The following MOV10L1 variants were observed in gnomAD, a reference collection of about 807,000 sequenced individuals.
MOV10L1 encodes RNA helicase Mov10l1.
A neutral mutation model predicts 143.8 loss-of-function variants in MOV10L1; 110 were observed. That is an observed-to-expected ratio of 0.76 (90% CI 0.66 to 0.90). The LOEUF (loss-of-function observed/expected upper bound fraction) is 0.90, where lower values mean the gene tolerates loss of function less well. Ranked by LOEUF, MOV10L1 falls within the 40% of genes least tolerant of loss-of-function variation. MOV10L1 has a pLI of 0.00. For synonymous variants in MOV10L1, 593 were observed against 581.1 expected, an observed-to-expected ratio of 1.02 and a Z score of -0.29; for missense variants, 1,406 against 1,526.8, an observed-to-expected ratio of 0.92 and a Z score of 1.32.
chr22:50,146,800 C>T (rs965980689), intron 19 of MOV10L1, among the ~76,000 whole-genome samples: 6 of 152,176 alleles, frequency 3.9e-5, no homozygotes, highest in African/African-American at 9.6e-5. Context: ...ATGGTTTCAT[C>T]GGCGCGTTTA....
chr22:50,160,670 ATC>A lies in MOV10L1; in HGVS notation c.3325-14_3325-13del, dbSNP rs758702928. The A allele has an allele frequency of 3.1e-6, 5 of 1,599,810 alleles. No homozygotes were observed. The African/African-American group carries it at 4.0e-5, about 13-fold the overall frequency. On this transcript the variant is annotated splice_polypyrimidine_tract_variant and intron_variant, in intron 24 of 26. Coordinates refer to ENST00000262794, the MANE Select transcript of MOV10L1 (RefSeq NM_018995.3). ...AAAACTTCAAGTGCCATTTTTATTCATCTCTGTGTGCTTTTAGGTACGGTCAA... is the reference window on the plus strand; with the variant it reads ...AAAACTTCAAGTGCCATTTTTATTCATCTGTGTGCTTTTAGGTACGGTCAA...
At chr22:50,112,962 G>A (rs2062063942) in intron 5 of MOV10L1, among the ~76,000 whole-genome samples, 1 of 152,214 alleles carries the variant, frequency 6.6e-6, no homozygotes, top group Non-Finnish European at 1.5e-5. Context: ...CTGTAGCTGG[G>A]AACCTCACTG....
chr22:50,113,918 T>TC (rs1569286135), intron 6 of MOV10L1, 130 bp downstream of exon 6: 259 of 861,844 alleles, frequency 3.0e-4, no homozygotes, highest in Non-Finnish European at 3.8e-4. Context: ...TTTTCTTTTT[T>TC]TTTTTTTTTT....
At chr22:50,090,467 C>A (rs777252001) in intron 1 of MOV10L1, 2 of 1,608,860 alleles carry the variant, frequency 1.2e-6, no homozygotes, top group Non-Finnish European at 1.7e-6. Context: ...GCTGCCAAGT[C>A]GTCTCTCCAT....
intron 2 of MOV10L1, chr22:50,094,788 A>G (rs2062546881): frequency 6.6e-6 from 1 of 152,212 alleles, no homozygotes; most frequent in African/African-American, 2.4e-5. Context: ...ATACTATTAT[A>G]GTTAGTACCA....
intron 9 of MOV10L1, 64 bp downstream of exon 9, chr22:50,117,415 C>A: frequency 6.5e-7 from 1 of 1,549,144 alleles, no homozygotes; most frequent in Non-Finnish European, 8.8e-7. Flanking sequence ...GAAAAGCGGA[C>A]GTGCACTGGC....
At chr22:50,090,886 G>T in intron 1 of MOV10L1, 1 of 267,058 alleles carries the variant, frequency 3.7e-6, no homozygotes. Context: ...ATGTTGGTCA[G>T]GCTGGTCTCG....
intron 10 of MOV10L1, among the ~76,000 whole-genome samples, chr22:50,124,876 G>C (rs943738372): frequency 7.9e-5 from 12 of 152,170 alleles, no homozygotes; most frequent in Admixed American, 6.5e-5. Context: ...CAGTCATGGG[G>C]CCCCCATGGA....
At position 50,092,129 on chromosome 22, in the gene MOV10L1, G is replaced by T. The variant is rs1198397385; in HGVS notation, c.226G>T (p.Glu76Ter). The T allele has an allele frequency of 6.2e-7, 1 of 1,614,190 alleles. No individual in the cohort carries two copies. The highest frequency in any genetic ancestry group is 1.7e-5 in the Admixed American group (1 of 60,010). ...TSRVLLNVGQ[E>*]VIAVVEENKV... Reference sequence around the variant, plus strand: ...CAGAGTGCTTCTGAATGTTGGACAGGAAGTGATTGCAGTTGTGGAAGAAAA... The same window carrying T: ...CAGAGTGCTTCTGAATGTTGGACAGTAAGTGATTGCAGTTGTGGAAGAAAA... The change falls in exon 2 of 27, where the codon GAA (glutamate) becomes TAA (stop). Residue 76 changes from glutamate (E) to a stop codon, truncating the protein, a stop_gained. Transcript: ENST00000262794. LOFTEE classifies it high-confidence loss of function.
chr22:50,159,867 G>A lies in MOV10L1; in HGVS notation c.3324+82G>A, dbSNP rs17781047. ...TTCTGGGGGCTTCAGATCTAAAGGG[G>A]CAGAGGCTGATTCCCAGCCCAGAGA... On this transcript the variant is annotated intron_variant, in intron 24 of 26. Coordinates refer to ENST00000262794, the MANE Select transcript of MOV10L1 (RefSeq NM_018995.3). The surrounding 1 kb of genome is among the most constrained non-coding windows in gnomAD (Gnocchi z 4.1). 243,352 of 893,636 alleles carry A rather than the reference G, an allele frequency of 0.27. 37,550 individuals carry two copies. Among genetic ancestry groups the A allele is most frequent in the Non-Finnish European group, 0.32 (180,054 of 559,562 alleles). The allele number at this position is 893,636 out of a possible 1,614,324, so 55.4% of individuals were successfully genotyped here.
At chr22:50,126,353 C>G in intron 12 of MOV10L1, 81 bp downstream of exon 12, 1 of 1,023,666 alleles carries the variant, frequency 9.8e-7, no homozygotes, top group South Asian at 1.5e-5. Flanking sequence ...CCCCACGGCT[C>G]TTGGGGAGAT....
chr22:50,141,955 T>C (rs1386797188), intron 15 of MOV10L1, 126 bp from the exon 16 acceptor site: 9 of 547,706 alleles, frequency 1.6e-5, no homozygotes, highest in South Asian at 3.3e-5. Flanking sequence ...TGACCTGTGA[T>C]CCATCCAAAG....
Position 50,145,784 on chromosome 22 carries a change from A to G in MOV10L1, c.2601A>G (p.Ser867=), listed in dbSNP as rs1358365073. 2 of 1,613,430 alleles carry G rather than the reference A, an allele frequency of 1.2e-6. No homozygotes were observed. Among genetic ancestry groups the G allele is most frequent in the East Asian group, 4.5e-5 (2 of 44,886 alleles). ...FRIIITTCSS[S]GLFYQIGVRV... ...TAATCATCACCACATGCAGCAGCTC[A>G]GGGCTGTTTTACCAAATAGGAGTGA... is the stretch of plus-strand genomic sequence containing the variant. The change falls in exon 19 of 27, where the codon TCA becomes TCG. Residue 867 remains serine, a synonymous_variant. Coordinates refer to ENST00000262794, the MANE Select transcript of MOV10L1 (RefSeq NM_018995.3).
chr22:50,137,493 A>T (rs1422552600), intron 15 of MOV10L1, among the ~76,000 whole-genome samples: 2 of 152,058 alleles, frequency 1.3e-5, no homozygotes, highest in East Asian at 3.9e-4. Context: ...GTGAGCCGAG[A>T]TCGCGCCACT....
At position 50,092,050 on chromosome 22, in the gene MOV10L1, C is replaced by T; in HGVS notation, c.147C>T (p.Ser49=). ...TVRGVVTRYC[S]DYGMIDDMIY... ...GGGGTGTCGTGACAAGGTACTGCAG[C>T]GATTATGGCATGATTGATGATATGA... The change falls in exon 2 of 27, where the codon AGC becomes AGT. Residue 49 remains serine, a synonymous_variant. Transcript: ENST00000262794. 1.9e-6 allele frequency: 3 copies of T among 1,614,082 alleles called. No individual in the cohort carries two copies. Among genetic ancestry groups the T allele is most frequent in the Non-Finnish European group, 1.7e-6 (2 of 1,180,014 alleles).
rs749958322 is a variant in MOV10L1 at position 50,092,064 on chromosome 22, T to C, written c.161T>C (p.Ile54Thr). The change falls in exon 2 of 27, where the codon ATT becomes ACT. Residue 54 changes from isoleucine (I) to threonine (T), a missense_variant. Transcript: ENST00000262794. ...AGGTACTGCAGCGATTATGGCATGA[T>C]TGATGATATGATCTACTTCTCCAGT... ...VTRYCSDYGMIDDMIYFSSDA... is the reference protein window; with the variant it reads ...VTRYCSDYGMTDDMIYFSSDA... 1.2e-6 allele frequency: 2 copies of C among 1,614,142 alleles called. No homozygotes were observed. Among genetic ancestry groups the C allele is most frequent in the Non-Finnish European group, 1.7e-6 (2 of 1,180,016 alleles).
intron 13 of MOV10L1, among the ~76,000 whole-genome samples, chr22:50,133,194 G>C (rs2062725872): frequency 2.6e-5 from 4 of 152,148 alleles, no homozygotes; most frequent in Admixed American, 2.6e-4. Flanking sequence ...CTTAGGGGCA[G>C]GGCTGTCAGT....
chr22:50,124,373 C>T (rs566028988), intron 10 of MOV10L1, among the ~76,000 whole-genome samples: 4 of 152,248 alleles, frequency 2.6e-5, no homozygotes, highest in South Asian at 2.1e-4. Context: ...TGCTCTTTTG[C>T]ACATAACGTT....
At chr22:50,142,808 G>C (rs12484166) in intron 16 of MOV10L1, among the ~76,000 whole-genome samples, 34,509 of 151,822 alleles carry the variant, frequency 0.23, 4,288 homozygotes, top group Admixed American at 0.35. Flanking sequence ...TGTACTCCAA[G>C]CTGGGTGACA....
Sources: allele counts gnomAD v4.1 joint callset (sites outside exome capture counted in the v4.1 genomes callset), GRCh38; gene constraint gnomAD v4.1.1; non-coding constraint Gnocchi (gnomAD v3.1); transcripts MANE v1.5; gene names NCBI Gene and HGNC (gene_info 2026-07-23, HGNC 2026-07-21).